Variants in UBE2G1 observed in about 807,000 individuals in gnomAD.
UBE2G1 encodes ubiquitin-conjugating enzyme E2 G1.
A neutral mutation model predicts 22.7 loss-of-function variants in UBE2G1; 5 were observed. The ratio of observed to expected loss-of-function variants is 0.22; its 90% CI spans 0.12 to 0.46. The LOEUF (loss-of-function observed/expected upper bound fraction) is 0.46, where lower values mean the gene tolerates loss of function less well. Among genes scored for constraint, UBE2G1 ranks in the 20% least tolerant of loss-of-function variants. The probability of loss-of-function intolerance (pLI) is 0.99; values close to 1 mark genes in which losing one functional copy is unlikely to be tolerated. For missense variants in UBE2G1, 88 were observed against 203.9 expected (o/e 0.43, Z 3.46); for synonymous variants, 74 against 67.5 (o/e 1.10, Z -0.47).
intron 1 of UBE2G1, among the ~76,000 whole-genome samples, chr17:4,324,851 G>A (rs975760489): frequency 1.3e-5 from 2 of 152,134 alleles, no homozygotes; most frequent in Non-Finnish European, 2.9e-5. Context: ...GCCAAGATGG[G>A]CGGATCACGA....
chr17:4,299,174 A>G (rs1969145113), intron 2 of UBE2G1, among the ~76,000 whole-genome samples: 2 of 152,216 alleles, frequency 1.3e-5, no homozygotes, highest in African/African-American at 4.8e-5. Flanking sequence ...TCACTAATCT[A>G]TATATACATA....
At chr17:4,352,719 C>T (rs1436038563) in intron 1 of UBE2G1, among the ~76,000 whole-genome samples, 1 of 152,100 alleles carries the variant, frequency 6.6e-6, no homozygotes, top group Non-Finnish European at 1.5e-5. Flanking sequence ...AGATCATTTT[C>T]CTGATAATGA....
chr17:4,303,742 G>A (rs778011577), intron 2 of UBE2G1, among the ~76,000 whole-genome samples: 2 of 152,114 alleles, frequency 1.3e-5, no homozygotes, highest in Non-Finnish European at 2.9e-5. Flanking sequence ...ATAGAATTTT[G>A]CAACTGTAAA....
chr17:4,337,255 C>T (rs749894701), intron 1 of UBE2G1, among the ~76,000 whole-genome samples: 17 of 150,330 alleles, frequency 1.1e-4, no homozygotes, highest in Non-Finnish European at 2.2e-4. Context: ...GTGGGAGGAT[C>T]CCTTGAGCCC....
At chr17:4,329,756 C>G (rs988214142) in intron 1 of UBE2G1, among the ~76,000 whole-genome samples, 1 of 151,928 alleles carries the variant, frequency 6.6e-6, no homozygotes, top group Non-Finnish European at 1.5e-5. Context: ...TAAACCATCT[C>G]TCTCTTTCCA....
At chr17:4,354,270 A>G (rs1969878901) in intron 1 of UBE2G1, among the ~76,000 whole-genome samples, 1 of 152,196 alleles carries the variant, frequency 6.6e-6, no homozygotes, top group African/African-American at 2.4e-5. Context: ...ACCCTAAAGC[A>G]GCTGTATTAT....
At chr17:4,275,714 C>G (rs1051247849) in intron 5 of UBE2G1, among the ~76,000 whole-genome samples, 1 of 152,090 alleles carries the variant, frequency 6.6e-6, no homozygotes, top group African/African-American at 2.4e-5. Flanking sequence ...TTTCAATGAT[C>G]TTAAGTGTTT....
intron 1 of UBE2G1, among the ~76,000 whole-genome samples, chr17:4,357,423 G>T (rs1969918206): frequency 6.9e-6 from 1 of 145,590 alleles, no homozygotes; most frequent in Non-Finnish European, 1.5e-5. Context: ...GCATCCCCTG[G>T]AGGTCTTGGA....
chr17:4,307,754 A>T (rs1232468919), intron 1 of UBE2G1, among the ~76,000 whole-genome samples: 1 of 152,134 alleles, frequency 6.6e-6, no homozygotes, highest in African/African-American at 2.4e-5. Flanking sequence ...GCTTAAGAGT[A>T]ACACCTGGAG....
intron 1 of UBE2G1, among the ~76,000 whole-genome samples, chr17:4,320,719 A>G (rs1234701944): frequency 6.6e-6 from 1 of 152,194 alleles, no homozygotes; most frequent in Non-Finnish European, 1.5e-5. Context: ...TCCAAAGACA[A>G]CCACTGCTAA....
chr17:4,269,830 GT>G lies in UBE2G1; in HGVS notation c.*2723del. 1 of 177,808 alleles carries G rather than the reference GT, an allele frequency of 5.6e-6. No individual in the cohort carries two copies. Among genetic ancestry groups the G allele is most frequent in the Non-Finnish European group, 1.2e-5 (1 of 84,180 alleles). The allele number at this position is 177,808 out of a possible 1,614,324, so 11.0% of individuals were successfully genotyped here. Reference sequence around the variant, plus strand: ...GAGATGTTGTTGATGGTTGGCACAAGTTTAGGGGGAAAAATCATTTTCCTAA... The same window carrying G: ...GAGATGTTGTTGATGGTTGGCACAAGTTAGGGGGAAAAATCATTTTCCTAA... On this transcript the variant is annotated 3_prime_UTR_variant, in exon 6 of 6. Transcript: ENST00000396981.
At chr17:4,284,825 TTTTC>T (rs1968940402) in intron 4 of UBE2G1, among the ~76,000 whole-genome samples, 2 of 104,326 alleles carry the variant, frequency 1.9e-5, no homozygotes, top group Non-Finnish European at 3.7e-5. Flanking sequence ...TTTTCTTTTC[TTTTC>T]TTTTCTTTCT....
intron 1 of UBE2G1, among the ~76,000 whole-genome samples, chr17:4,313,349 T>C (rs1969332770): frequency 6.6e-6 from 1 of 152,176 alleles, no homozygotes; most frequent in African/African-American, 2.4e-5. Context: ...AAATTCCTAA[T>C]ACAAACAGAG....
At chr17:4,310,808 A>C (rs937843383) in intron 1 of UBE2G1, among the ~76,000 whole-genome samples, 1 of 152,148 alleles carries the variant, frequency 6.6e-6, no homozygotes, top group Admixed American at 6.5e-5. Context: ...TGAAAAGTGT[A>C]CCTCGAGTAT....
chr17:4,301,187 C>A (rs1969174458), intron 2 of UBE2G1, among the ~76,000 whole-genome samples: 1 of 152,198 alleles, frequency 6.6e-6, no homozygotes, highest in Admixed American at 6.5e-5. Context: ...GTAGCTGTCT[C>A]TTGTCCATTC....
intron 5 of UBE2G1, among the ~76,000 whole-genome samples, chr17:4,281,948 G>C (rs868047989): frequency 7.5e-4 from 113 of 151,646 alleles, no homozygotes; most frequent in African/African-American, 2.7e-3. Context: ...AGGTGGATGG[G>C]TGCCTTCCAT....
In UBE2G1 at chr17:4,292,561, C is replaced by T. The variant is rs1424351436; in HGVS notation, c.248-3153G>A. ...AAGTGGTCTGGATAGCATATTTATT[C>T]TCCTGGGTACTTTCAGCTACCTGAA... On this transcript the variant is annotated intron_variant, in intron 3 of 5. Coordinates refer to ENST00000396981, the MANE Select transcript of UBE2G1 (RefSeq NM_003342.5). Among the ~76,000 whole-genome samples the T allele has an allele frequency of 2.0e-5, 3 of 152,172 alleles. No homozygotes were observed. In the East Asian group the frequency reaches 5.8e-4, roughly 29 times the overall value.
chr17:4,296,313 A>G (rs982419346), intron 3 of UBE2G1, among the ~76,000 whole-genome samples: 1 of 152,080 alleles, frequency 6.6e-6, no homozygotes, highest in Admixed American at 6.6e-5. Flanking sequence ...CCCAGGCTGG[A>G]GTGCAGTGGT....
At chr17:4,347,110 G>A (rs1969786473) in intron 1 of UBE2G1, among the ~76,000 whole-genome samples, 1 of 152,040 alleles carries the variant, frequency 6.6e-6, no homozygotes, top group South Asian at 2.1e-4. Flanking sequence ...CCAAGATCAT[G>A]CCACTGCACT....
Sources: allele counts gnomAD v4.1 joint callset (sites outside exome capture counted in the v4.1 genomes callset), GRCh38; gene constraint gnomAD v4.1.1; transcripts MANE v1.5; gene names NCBI Gene and HGNC (gene_info 2026-07-23, HGNC 2026-07-21).